The following PCDHA3 variants were observed in gnomAD, a reference collection of about 807,000 sequenced individuals.
PCDHA3 encodes protocadherin alpha-3.
In PCDHA3, 41 loss-of-function variants were observed where a neutral mutation model predicts 62.2. The ratio of observed to expected loss-of-function variants is 0.66; its 90% CI spans 0.51 to 0.86. PCDHA3 has a LOEUF of 0.86. Ranked by LOEUF, PCDHA3 falls within the 40% of genes least tolerant of loss-of-function variation. PCDHA3 has a pLI of 0.00. For synonymous variants in PCDHA3, 640 were observed against 555.4 expected (o/e 1.15, Z -2.14); for missense variants, 1,304 against 1,241.2 (o/e 1.05, Z -0.76).
At chr5:140,838,084 GT>G (rs1775513754) in intron 1 of PCDHA3, among the ~76,000 whole-genome samples, 1 of 31,456 alleles carries the variant, frequency 3.2e-5, no homozygotes, top group Non-Finnish European at 6.5e-5. Flanking sequence ...TATAGTGTGT[GT>G]GTGTGTGTGT....
chr5:140,858,511 GTA>G (rs1554151718), intron 1 of PCDHA3: 1 of 1,433,712 alleles, frequency 7.0e-7, no homozygotes, highest in Admixed American at 2.0e-5. Flanking sequence ...TCTCAAATAT[GTA>G]TCAGAATATT....
At chr5:140,919,823 T>C (rs1554199267) in intron 1 of PCDHA3, among the ~76,000 whole-genome samples, 1 of 152,222 alleles carries the variant, frequency 6.6e-6, no homozygotes, top group Non-Finnish European at 1.5e-5. Flanking sequence ...AAAATATATG[T>C]CCACATAGTA....
chr5:140,944,992 C>T (rs561484046), intron 1 of PCDHA3, among the ~76,000 whole-genome samples: 11 of 152,114 alleles, frequency 7.2e-5, no homozygotes, highest in South Asian at 2.1e-4. Flanking sequence ...ACTTCTGTAA[C>T]GGTTGTGGGT....
chr5:140,849,895 A>G (rs2150456565), intron 1 of PCDHA3: 1 of 1,598,460 alleles, frequency 6.3e-7, no homozygotes, highest in South Asian at 1.1e-5. Flanking sequence ...GTGAAGGAGA[A>G]CAACCCGCCG....
intron 1 of PCDHA3, among the ~76,000 whole-genome samples, chr5:140,953,460 G>A (rs1025295552): frequency 1.3e-5 from 2 of 152,116 alleles, no homozygotes; most frequent in Non-Finnish European, 2.9e-5. Context: ...ATCTGTCAGA[G>A]TTTTAACTTC....
chr5:140,876,342 A>C, intron 1 of PCDHA3: 1 of 1,614,042 alleles, frequency 6.2e-7, no homozygotes, highest in Non-Finnish European at 8.5e-7. Flanking sequence ...TGAGTGAGAA[A>C]TGTATGTTTT....
chr5:140,993,526 A>G (rs1554253825), intron 3 of PCDHA3, among the ~76,000 whole-genome samples: 1 of 147,824 alleles, frequency 6.8e-6, no homozygotes, highest in Admixed American at 6.7e-5. Flanking sequence ...AGAGAGACAG[A>G]GAGAGAGAGA....
chr5:140,897,446 T>G (rs2066114237), intron 1 of PCDHA3, among the ~76,000 whole-genome samples: 1 of 151,576 alleles, frequency 6.6e-6, no homozygotes, highest in South Asian at 2.1e-4. Context: ...GTGTTTGGTT[T>G]TTTGTCCTTG....
At chr5:140,991,481 A>G (rs1272675537) in intron 3 of PCDHA3, among the ~76,000 whole-genome samples, 3 of 152,226 alleles carry the variant, frequency 2.0e-5, no homozygotes, top group Non-Finnish European at 2.9e-5. Flanking sequence ...TCTGGAAGTC[A>G]GAAGTCCACA....
In PCDHA3 at chr5:140,802,772, C is replaced by T. The variant is rs1763021165; in HGVS notation, c.1575C>T (p.His525=). ...TGTACGCGCTGCAGCCGCTGGACCA[C>T]GAGGAGCTAGAGCTGCTGCAGTTCC... ...GKVYALQPLD[H]EELELLQFQV... Residue 525 remains histidine, a synonymous_variant, in exon 1 of 4, where the codon CAC becomes CAT. Coordinates refer to ENST00000522353, the MANE Select transcript of PCDHA3 (RefSeq NM_018906.3). 16 of 1,613,090 alleles carry T rather than the reference C, an allele frequency of 9.9e-6. No individual in the cohort carries two copies. Among genetic ancestry groups the T allele is most frequent in the East Asian group, 2.2e-5 (1 of 44,876 alleles).
At chr5:140,876,334 A>G (rs782377581) in intron 1 of PCDHA3, 3 of 1,613,912 alleles carry the variant, frequency 1.9e-6, no homozygotes, top group African/African-American at 1.3e-5. Flanking sequence ...TTTGCCAGTG[A>G]GTGAGAAATG....
In PCDHA3 at chr5:140,929,054, C is replaced by T. The variant is rs782514800; in HGVS notation, c.2395-49895C>T. 27 of 1,614,056 alleles carry T rather than the reference C, an allele frequency of 1.7e-5. No individual in the cohort carries two copies. The highest frequency in any genetic ancestry group is 2.1e-5 in the Non-Finnish European group (25 of 1,180,042). ...TGTTGCGCTCAGAGCTGCTGTCGCT[C>T]TACAGAGGATCTGAGGTATGGAAGT... is the stretch of plus-strand genomic sequence containing the variant. On this transcript the variant is annotated intron_variant, in intron 1 of 3. Coordinates refer to ENST00000522353, the MANE Select transcript of PCDHA3 (RefSeq NM_018906.3).
chr5:140,818,115 T>G (rs1287358560), intron 1 of PCDHA3, among the ~76,000 whole-genome samples: 3 of 152,250 alleles, frequency 2.0e-5, no homozygotes, highest in African/African-American at 7.2e-5. Flanking sequence ...TTTTATCAGT[T>G]TAAGAGAAGA....
chr5:140,841,872 CA>C, intron 1 of PCDHA3: 1 of 1,613,796 alleles, frequency 6.2e-7, no homozygotes, highest in Non-Finnish European at 8.5e-7. Context: ...GATGTGAATT[CA>C]AAGAACGATG....
intron 1 of PCDHA3, among the ~76,000 whole-genome samples, chr5:140,874,104 A>G (rs251376): frequency 0.45 from 68,940 of 152,128 alleles, 15,928 homozygotes; most frequent in South Asian, 0.58. Context: ...GTTTTTAATT[A>G]CTTAACGTTT....
intron 1 of PCDHA3, among the ~76,000 whole-genome samples, chr5:140,838,286 T>A (rs1216853722): frequency 2.0e-5 from 3 of 149,522 alleles, no homozygotes; most frequent in Admixed American, 6.7e-5. Flanking sequence ...GCTAATTTTT[T>A]TTTTTTTTTG....
intron 1 of PCDHA3, among the ~76,000 whole-genome samples, chr5:140,906,958 G>A (rs1220105162): frequency 1.3e-5 from 2 of 152,124 alleles, no homozygotes; most frequent in Non-Finnish European, 2.9e-5. Flanking sequence ...CAGTTTAATG[G>A]AATCGTGGTT....
chr5:140,938,463 T>C (rs1399110046), intron 1 of PCDHA3, among the ~76,000 whole-genome samples: 1 of 152,216 alleles, frequency 6.6e-6, no homozygotes, highest in Non-Finnish European at 1.5e-5. Flanking sequence ...GTTTTTTAAT[T>C]TATTATGTTT....
At chr5:140,924,894 CAAAAA>C (rs782133089) in intron 1 of PCDHA3, among the ~76,000 whole-genome samples, 149 of 71,508 alleles carry the variant, frequency 2.1e-3, no homozygotes, top group African/African-American at 5.7e-3. Context: ...GAACCTGTCT[CAAAAA>C]AAAAAATAAA....
Sources: gnomAD v4.1 joint callset for allele counts (sites outside exome capture counted in the v4.1 genomes callset) on GRCh38, gnomAD v4.1.1 for gene constraint, MANE v1.5 for transcripts, NCBI Gene and HGNC (gene_info 2026-07-23, HGNC 2026-07-21) for gene names.